OR10Z1: variants seen among roughly 807,000 people sequenced by gnomAD.
OR10Z1 encodes olfactory receptor 10Z1.
For synonymous variants in OR10Z1, 187 were observed against 151.2 expected (o/e 1.24, Z -1.74); for missense variants, 468 against 371.0 (o/e 1.26, Z -2.15).
rs375987496 is a variant in OR10Z1 at position 158,606,491 on chromosome 1, C to G, written c.53C>G (p.Ser18Cys). 52 of 1,613,854 alleles carry G rather than the reference C, an allele frequency of 3.2e-5. No individual in the cohort carries two copies. Among genetic ancestry groups the G allele is most frequent in the Non-Finnish European group, 4.0e-5 (47 of 1,179,924 alleles). ...AGGGATTTTGTCTTCCTGGGCTTCT[C>G]CAGTTCTGGGGAGTTGCAGCTCCTT... Reference protein sequence around the residue: ...SWRDFVFLGFSSSGELQLLLF... With the variant: ...SWRDFVFLGFCSSGELQLLLF... Residue 18 changes from serine to cysteine, a missense_variant, in exon 2 of 2, where the codon TCC (serine) becomes TGC (cysteine). Transcript: ENST00000641002.
At position 158,611,616 on chromosome 1, in the gene OR10Z1, T is replaced by G; in HGVS notation, c.*4236T>G. ...AAAAAGAGAGCTTACTCACTTTGATTATTCTGTAAATCTCATTCCCTAAAG... is the reference window on the plus strand; with the variant it reads ...AAAAAGAGAGCTTACTCACTTTGATGATTCTGTAAATCTCATTCCCTAAAG... On this transcript the variant is annotated 3_prime_UTR_variant, in exon 2 of 2. Coordinates refer to ENST00000641002, the MANE Select transcript of OR10Z1 (RefSeq NM_001004478.2). 2.1e-6 allele frequency: 1 copy of G among 465,494 alleles called. No individual in the cohort carries two copies. Among genetic ancestry groups the G allele is most frequent in the African/African-American group, 2.0e-5 (1 of 50,742 alleles). The allele number at this position is 465,494 out of a possible 1,614,324, so 28.8% of individuals were successfully genotyped here.
rs1218178981 is a variant in OR10Z1 at position 158,610,812 on chromosome 1, A to G, written c.*3432A>G. 2 of 155,610 alleles carry G rather than the reference A, an allele frequency of 1.3e-5. No homozygotes were observed. The highest frequency in any genetic ancestry group is 1.9e-4 in the East Asian group (1 of 5,310). The allele number at this position is 155,610 out of a possible 1,614,324, so 9.6% of individuals were successfully genotyped here. A position where few individuals can be genotyped will look rare whatever the true frequency, so the allele number is the denominator to read the frequency against. On this transcript the variant is annotated 3_prime_UTR_variant, in exon 2 of 2. Transcript: ENST00000641002. ...TTGGATTTTATTTATCTACTATACCATGGCCCTTCTTTACAGTAAAATTAG... is the reference window on the plus strand; with the variant it reads ...TTGGATTTTATTTATCTACTATACCGTGGCCCTTCTTTACAGTAAAATTAG...
rs865857050 is a variant in OR10Z1 at position 158,607,819 on chromosome 1, T to C, written c.*439T>C. 3 of 154,022 alleles carry C rather than the reference T, an allele frequency of 1.9e-5. No homozygotes were observed. The highest frequency in any genetic ancestry group is 4.8e-5 in the African/African-American group (2 of 41,510). The allele number at this position is 154,022 out of a possible 1,614,324, so 9.5% of individuals were successfully genotyped here. A position where few individuals can be genotyped will look rare whatever the true frequency, so the allele number is the denominator to read the frequency against. On this transcript the variant is annotated 3_prime_UTR_variant, in exon 2 of 2. Transcript: ENST00000641002. ...CATAATTAGACTATTTGACCTGTAATGTTCTTCCAAGATTTGAAACCTGGG... is the reference window on the plus strand; with the variant it reads ...CATAATTAGACTATTTGACCTGTAACGTTCTTCCAAGATTTGAAACCTGGG...
rs576477051 is a variant in OR10Z1 at position 158,607,368 on chromosome 1, G to A, written c.930G>A (p.Leu310=). The A allele has an allele frequency of 7.0e-5, 113 of 1,612,410 alleles. 2 individuals carry two copies. In the South Asian group the frequency reaches 1.2e-3, roughly 17 times the overall value. Residue 310 remains leucine, a synonymous_variant, in exon 2 of 2, where the codon CTG becomes CTA. Transcript: ENST00000641002. ...GGAATGCTTTCAGAGGGAGATTGCT[G>A]GGTAAAGGATGAAGGTTACCCCAAT... The part of the protein sequence containing the change: ...ALRNAFRGRL[L]GKG
Position 158,606,893 on chromosome 1 carries a change from G to GGTACTTCC in OR10Z1, c.455_456insGTACTTCC (p.Leu154PhefsTer9), listed in dbSNP as rs1649065940. 3 of 1,613,962 alleles carry GGTACTTCC rather than the reference G, an allele frequency of 1.9e-6. No homozygotes were observed. The highest frequency in any genetic ancestry group is 2.5e-6 in the Non-Finnish European group (3 of 1,179,974). On this transcript the variant is annotated frameshift_variant, in exon 2 of 2. Coordinates refer to ENST00000641002, the MANE Select transcript of OR10Z1 (RefSeq NM_001004478.2). LOFTEE classifies it low-confidence loss of function (END_TRUNC). ...CTGGTCATTACTTCCTTCCTGACTG[G>GGTACTTCC]ATACCTCTTTGGACTGGGAATGACA...
chr1:158,611,508 C>G lies in OR10Z1; in HGVS notation c.*4128C>G. On this transcript the variant is annotated 3_prime_UTR_variant, in exon 2 of 2. Coordinates refer to ENST00000641002, the MANE Select transcript of OR10Z1 (RefSeq NM_001004478.2). ...GGAGAGTCTCTGGAAGACGCAAGCC[C>G]TATTTCTATTACACACAATTTTTAT... is the stretch of plus-strand genomic sequence containing the variant. 2 of 1,118,284 alleles carry G rather than the reference C, an allele frequency of 1.8e-6. No homozygotes were observed. Among genetic ancestry groups the G allele is most frequent in the South Asian group, 2.9e-5 (2 of 69,050 alleles). 69.3% of individuals were successfully genotyped at this position (1,118,284 alleles called of 1,614,324 possible).
In OR10Z1 at chr1:158,606,775, T is replaced by C; in HGVS notation, c.337T>C (p.Phe113Leu). The change falls in exon 2 of 2, where the codon TTC (phenylalanine) becomes CTC (leucine). Residue 113 changes from phenylalanine to leucine, a missense_variant. Physicochemically the swap from Phe to Leu is conservative, Grantham distance 22 (BLOSUM62 0). Coordinates refer to ENST00000641002, the MANE Select transcript of OR10Z1 (RefSeq NM_001004478.2). ...TGCCTCATGGGCCTGTACTAACTGCTTCCTTCTGGCTGCCATGGGCTTTGA... is the reference window on the plus strand; with the variant it reads ...TGCCTCATGGGCCTGTACTAACTGCCTCCTTCTGGCTGCCATGGGCTTTGA... The part of the protein sequence containing the change: ...FSASWACTNC[F>L]LLAAMGFDRY... 6.2e-7 allele frequency: 1 copy of C among 1,614,094 alleles called. No individual in the cohort carries two copies. Among genetic ancestry groups the C allele is most frequent in the South Asian group, 1.1e-5 (1 of 91,076 alleles).
chr1:158,607,258 A>G lies in OR10Z1; in HGVS notation c.820A>G (p.Ile274Val). The G allele has an allele frequency of 6.2e-7, 1 of 1,614,060 alleles. No individual in the cohort carries two copies. Among genetic ancestry groups the G allele is most frequent in the East Asian group, 2.2e-5 (1 of 44,868 alleles). ...ASYSLERDQL[I>V]AMTYTVVTPL... ...CTACTCTCTTGAGAGAGATCAGCTT[A>G]TTGCCATGACCTATACTGTAGTGAC... Residue 274 changes from isoleucine to valine, a missense_variant, in exon 2 of 2, where the codon ATT becomes GTT. Coordinates refer to ENST00000641002, the MANE Select transcript of OR10Z1 (RefSeq NM_001004478.2).
chr1:158,606,329 C>A lies in OR10Z1; in HGVS notation c.-110C>A. The A allele has an allele frequency of 1.4e-6, 1 of 701,876 alleles. No individual in the cohort carries two copies. Among genetic ancestry groups the A allele is most frequent in the East Asian group, 2.6e-5 (1 of 38,808 alleles). 43.5% of individuals were successfully genotyped at this position (701,876 alleles called of 1,614,324 possible). ...AAATCAGAGCTGCCTTTTTAAGTTG[C>A]AACAGGAACAAGAGAAAAAGAATCC... is the stretch of plus-strand genomic sequence containing the variant. On this transcript the variant is annotated 5_prime_UTR_variant, in exon 2 of 2. It introduces an in-frame stop codon into an upstream open reading frame of the 5' UTR. Coordinates refer to ENST00000641002, the MANE Select transcript of OR10Z1 (RefSeq NM_001004478.2).
chr1:158,607,333 A>G lies in OR10Z1; in HGVS notation c.895A>G (p.Thr299Ala). 1 of 1,613,814 alleles carries G rather than the reference A, an allele frequency of 6.2e-7. No individual in the cohort carries two copies. Among genetic ancestry groups the G allele is most frequent in the Non-Finnish European group, 8.5e-7 (1 of 1,179,788 alleles). The part of the protein sequence containing the change: ...VYSLRNRAIQ[T>A]ALRNAFRGRL... Reference sequence around the variant, plus strand: ...TAGTCTAAGGAATAGGGCTATACAGACAGCTCTGAGGAATGCTTTCAGAGG... The same window carrying G: ...TAGTCTAAGGAATAGGGCTATACAGGCAGCTCTGAGGAATGCTTTCAGAGG... Residue 299 changes from threonine (T) to alanine (A), a missense_variant, in exon 2 of 2, where the codon ACA (threonine) becomes GCA (alanine). Transcript: ENST00000641002.
rs1649046464 is a variant in OR10Z1 at position 158,606,349 on chromosome 1, G to T, written c.-90G>T. 1.3e-6 allele frequency: 1 copy of T among 794,986 alleles called. No homozygotes were observed. The highest frequency in any genetic ancestry group is 2.1e-6 in the Non-Finnish European group (1 of 484,474). 49.2% of individuals were successfully genotyped at this position (794,986 alleles called of 1,614,324 possible). A position where few individuals can be genotyped will look rare whatever the true frequency, so the allele number is the denominator to read the frequency against. Reference sequence around the variant, plus strand: ...AGTTGCAACAGGAACAAGAGAAAAAGAATCCATATCATCCACCTTTTAAAG... The same window carrying T: ...AGTTGCAACAGGAACAAGAGAAAAATAATCCATATCATCCACCTTTTAAAG... On this transcript the variant is annotated 5_prime_UTR_variant, in exon 2 of 2. Transcript: ENST00000641002.
At chr1:158,606,176 G>GTA (rs1230459588) in intron 1 of OR10Z1, 150 bp from the exon 2 acceptor site, 2 of 444,790 alleles carry the variant, frequency 4.5e-6, no homozygotes, top group African/African-American at 4.0e-5. Flanking sequence ...TTGTGTGCAA[G>GTA]TATGTGCATA....
In OR10Z1 at chr1:158,606,588, G is replaced by T. The variant is rs765117683; in HGVS notation, c.150G>T (p.Arg50Ser). Residue 50 changes from arginine to serine, a missense_variant, in exon 2 of 2, where the codon AGG (arginine) becomes AGT (serine). Arg to Ser is a moderately radical substitution (Grantham distance 110, BLOSUM62 -1). Transcript: ENST00000641002. The part of the protein sequence containing the change: ...TSNVFIIIAI[R>S]LDSHLHTPMY... ...ATGTCTTCATTATCATAGCCATCAG[G>T]CTGGATAGCCATCTGCACACCCCCA... The T allele has an allele frequency of 3.7e-6, 6 of 1,613,970 alleles. No individual in the cohort carries two copies. The highest frequency in any genetic ancestry group is 2.2e-5 in the South Asian group (2 of 91,086).
In OR10Z1 at chr1:158,611,327, C is replaced by G; in HGVS notation, c.*3947C>G. 1 of 1,613,788 alleles carries G rather than the reference C, an allele frequency of 6.2e-7. No individual in the cohort carries two copies. The highest frequency in any genetic ancestry group is 1.3e-5 in the African/African-American group (1 of 74,994). Reference sequence around the variant, plus strand: ...CATAGCCAGAGAGATGGCTTCGACCCCGTGGGTCCATATATTGCTGCATAT... The same window carrying G: ...CATAGCCAGAGAGATGGCTTCGACCGCGTGGGTCCATATATTGCTGCATAT... On this transcript the variant is annotated 3_prime_UTR_variant, in exon 2 of 2. Transcript: ENST00000641002.
In OR10Z1 at chr1:158,610,729, T is replaced by C. The variant is rs1649199436; in HGVS notation, c.*3349T>C. Reference sequence around the variant, plus strand: ...TTCCCCAGAAAATCAAATATCTTTATTTTCAAATTTAAATTTAAACACATT... The same window carrying C: ...TTCCCCAGAAAATCAAATATCTTTACTTTCAAATTTAAATTTAAACACATT... On this transcript the variant is annotated 3_prime_UTR_variant, in exon 2 of 2. Coordinates refer to ENST00000641002, the MANE Select transcript of OR10Z1 (RefSeq NM_001004478.2). 1.3e-5 allele frequency: 2 copies of C among 152,688 alleles called. No individual in the cohort carries two copies. The highest frequency in any genetic ancestry group is 6.5e-5 in the Admixed American group (1 of 15,342). 9.5% of individuals were successfully genotyped at this position (152,688 alleles called of 1,614,324 possible).
In OR10Z1 at chr1:158,606,433, C is replaced by G. The variant is rs1387128088; in HGVS notation, c.-6C>G. 6.3e-7 allele frequency: 1 copy of G among 1,598,938 alleles called. No homozygotes were observed. Among genetic ancestry groups the G allele is most frequent in the Non-Finnish European group, 8.6e-7 (1 of 1,168,374 alleles). On this transcript the variant is annotated 5_prime_UTR_variant, in exon 2 of 2. Transcript: ENST00000641002. ...CAACAAATCTATCAGGGATATACCT[C>G]TCAGAATGGGGCAGACCAACGTAAC... is the stretch of plus-strand genomic sequence containing the variant.
At position 158,611,101 on chromosome 1, in the gene OR10Z1, A is replaced by G. The variant is rs1377474261; in HGVS notation, c.*3721A>G. 4.3e-6 allele frequency: 4 copies of G among 935,842 alleles called. No individual in the cohort carries two copies. The highest frequency in any genetic ancestry group is 6.4e-6 in the Non-Finnish European group (4 of 623,332). The allele number at this position is 935,842 out of a possible 1,614,324, so 58.0% of individuals were successfully genotyped here. A position where few individuals can be genotyped will look rare whatever the true frequency, so the allele number is the denominator to read the frequency against. The stretch of plus-strand genomic sequence containing the variant: ...CACCCTTGAGATTTTTTAAGATCCT[A>G]CAATAAATGTAATATGCACACAAAC... On this transcript the variant is annotated 3_prime_UTR_variant, in exon 2 of 2. Transcript: ENST00000641002.
chr1:158,606,636 A>G lies in OR10Z1; in HGVS notation c.198A>G (p.Leu66=). 1.9e-6 allele frequency: 3 copies of G among 1,613,566 alleles called. No individual in the cohort carries two copies. The highest frequency in any genetic ancestry group is 2.5e-6 in the Non-Finnish European group (3 of 1,179,814). The part of the protein sequence containing the change: ...HTPMYLFLSF[L]SFSETCYTLG... ...CCATGTACCTCTTCCTTTCCTTCCT[A>G]TCCTTCTCTGAGACCTGCTACACTT... The change falls in exon 2 of 2, where the codon CTA becomes CTG. Residue 66 remains leucine, a synonymous_variant. Transcript: ENST00000641002.
rs761358228 is a variant in OR10Z1, at chr1:158,606,581, C to T, written c.143C>T (p.Ala48Val). 2 of 1,614,008 alleles carry T rather than the reference C, an allele frequency of 1.2e-6. No homozygotes were observed. The highest frequency in any genetic ancestry group is 1.3e-5 in the African/African-American group (1 of 75,042). ...ACCAGCAATGTCTTCATTATCATAG[C>T]CATCAGGCTGGATAGCCATCTGCAC... ...TLTSNVFIII[A>V]IRLDSHLHTP... Residue 48 changes from alanine to valine, a missense_variant, in exon 2 of 2, where the codon GCC (alanine) becomes GTC (valine). By Grantham distance (64) the Ala-to-Val change is moderately conservative (BLOSUM62 0). Transcript: ENST00000641002.
Sources: allele counts gnomAD v4.1 joint callset, GRCh38; gene constraint gnomAD v4.1.1; transcripts MANE v1.5; gene names NCBI Gene and HGNC (gene_info 2026-07-23, HGNC 2026-07-21).